ABI3BP: variants seen among roughly 807,000 people sequenced by gnomAD.
ABI3BP encodes the protein ABI family member 3 binding protein.
A neutral mutation model predicts 268.6 loss-of-function variants in ABI3BP; 216 were observed. That is an observed-to-expected ratio of 0.80 (90% confidence interval 0.72 to 0.90). The LOEUF is 0.90. ABI3BP is among the 40% of genes least tolerant of loss of function. The pLI is 0.00. For synonymous variants in ABI3BP, 730 were observed against 730.0 expected (o/e 1.00, Z 0.00); for missense variants, 2,090 against 2,182.4 (o/e 0.96, Z 0.84).
At chr3:100,775,131 A>C in intron 60 of ABI3BP, 76 bp downstream of exon 60, 2 of 1,537,978 alleles carry the variant, frequency 1.3e-6, no homozygotes, top group Non-Finnish European at 1.8e-6. Context: ...ACTGAGACTC[A>C]CCCATCCCCA....
intron 4 of ABI3BP, among the ~76,000 whole-genome samples, chr3:100,894,960 A>AAAAAAAAAC (rs2046845252): frequency 6.9e-6 from 1 of 145,488 alleles, no homozygotes; most frequent in African/African-American, 2.5e-5. Context: ...AAAAAAAAAA[A>AAAAAAAAAC]AAAAAAACAG....
intron 13 of ABI3BP, 106 bp from the exon 14 acceptor site, chr3:100,862,491 C>T: frequency 1.4e-6 from 1 of 698,506 alleles, no homozygotes; most frequent in Non-Finnish European, 2.4e-6. Flanking sequence ...CAGAAGCCTG[C>T]AGTATACCAA....
At chr3:100,965,467 A>G (rs1446443610) in intron 1 of ABI3BP, among the ~76,000 whole-genome samples, 4 of 151,088 alleles carry the variant, frequency 2.6e-5, no homozygotes, top group Non-Finnish European at 5.9e-5. Context: ...TGTTACAGCA[A>G]TGATGTGAAA....
At position 100,840,755 on chromosome 3, in the gene ABI3BP, G is replaced by A. The variant is rs1472317316; in HGVS notation, c.1804+65C>T. On this transcript the variant is annotated intron_variant, in intron 22 of 67. Transcript: ENST00000471714. ...TGTATTAATTCATTAATGTGAGTCT[G>A]TCAACACAGATACCAGCAGACAGGA... The A allele has an allele frequency of 2.2e-6, 3 of 1,369,776 alleles. No homozygotes were observed. The African/African-American group carries it at 4.3e-5, about 20-fold the overall frequency. 84.9% of individuals were successfully genotyped at this position (1,369,776 alleles called of 1,614,324 possible).
intron 4 of ABI3BP, among the ~76,000 whole-genome samples, chr3:100,892,399 A>AAGTT (rs1391993344): frequency 6.6e-6 from 1 of 151,990 alleles, no homozygotes; most frequent in Non-Finnish European, 1.5e-5. Context: ...AAAGCGAAAA[A>AAGTT]AGTTAAAACT....
At chr3:100,807,975 T>C (rs116616378) in intron 50 of ABI3BP, among the ~76,000 whole-genome samples, 186 bp downstream of exon 50, 2 of 152,088 alleles carry the variant, frequency 1.3e-5, no homozygotes, top group African/African-American at 4.8e-5. Flanking sequence ...TGGAATAAGC[T>C]CTTCCAATGA....
At chr3:100,800,213 C>CTT (rs34125273) in intron 51 of ABI3BP, among the ~76,000 whole-genome samples, 2 of 144,010 alleles carry the variant, frequency 1.4e-5, no homozygotes, top group South Asian at 2.2e-4. Flanking sequence ...GGCTATTAAT[C>CTT]TTTTTTTTTT....
intron 1 of ABI3BP, among the ~76,000 whole-genome samples, chr3:100,969,679 A>G (rs565571050): frequency 1.1e-4 from 17 of 152,234 alleles, no homozygotes; most frequent in Middle Eastern, 3.4e-3. Context: ...CGTCATCAAG[A>G]AAAAAAATCA....
At chr3:100,804,524 G>C (rs2097644585) in intron 51 of ABI3BP, among the ~76,000 whole-genome samples, 1 of 152,092 alleles carries the variant, frequency 6.6e-6, no homozygotes, top group Non-Finnish European at 1.5e-5. Flanking sequence ...AGCATTTTTT[G>C]TAAGTCAGGG....
intron 65 of ABI3BP, 85 bp from the exon 66 acceptor site, chr3:100,753,033 G>T: frequency 7.6e-7 from 1 of 1,313,260 alleles, no homozygotes. Flanking sequence ...TTGTCAACTT[G>T]CTGATACCTT....
At chr3:100,978,476 A>G (rs763606690) in intron 1 of ABI3BP, among the ~76,000 whole-genome samples, 20 of 152,228 alleles carry the variant, frequency 1.3e-4, no homozygotes, top group Admixed American at 3.3e-4. Context: ...GACTCCCACT[A>G]ATAGCTCATA....
chr3:100,784,282 T>C (rs1476030804), intron 57 of ABI3BP, among the ~76,000 whole-genome samples: 1 of 152,102 alleles, frequency 6.6e-6, no homozygotes, highest in Non-Finnish European at 1.5e-5. Context: ...TCTAAGACTG[T>C]AAAGAACATG....
At chr3:100,839,661 C>T in intron 23 of ABI3BP, 45 bp from the exon 24 acceptor site, 1 of 1,527,886 alleles carries the variant, frequency 6.5e-7, no homozygotes, top group Non-Finnish European at 8.8e-7. Flanking sequence ...CAAGAAGTGG[C>T]ATCGTGAGGA....
At chr3:100,754,403 T>C (rs1239723293) in intron 64 of ABI3BP, among the ~76,000 whole-genome samples, 2 of 152,204 alleles carry the variant, frequency 1.3e-5, no homozygotes, top group Non-Finnish European at 2.9e-5. Context: ...TCATTATGCT[T>C]TTTAAATTAA....
chr3:100,827,530 C>T (rs974525840), intron 34 of ABI3BP, among the ~76,000 whole-genome samples: 1 of 151,978 alleles, frequency 6.6e-6, no homozygotes, highest in African/African-American at 2.4e-5. Flanking sequence ...AAAAGATAAC[C>T]TTTAGTTATT....
chr3:100,989,516 C>T (rs1335271213), intron 1 of ABI3BP, among the ~76,000 whole-genome samples: 1 of 152,128 alleles, frequency 6.6e-6, no homozygotes, highest in Non-Finnish European at 1.5e-5. Context: ...GGTAAGAACC[C>T]AAAGCAAAGA....
intron 1 of ABI3BP, among the ~76,000 whole-genome samples, chr3:100,939,066 T>A (rs1008063392): frequency 6.6e-6 from 1 of 152,102 alleles, no homozygotes; most frequent in Non-Finnish European, 1.5e-5. Flanking sequence ...CAATTCCATA[T>A]ATCTCATTTT....
chr3:100,818,776 G>T (rs1409686393), intron 40 of ABI3BP, among the ~76,000 whole-genome samples, 195 bp from the exon 41 acceptor site: 1 of 152,086 alleles, frequency 6.6e-6, no homozygotes, highest in Non-Finnish European at 1.5e-5. Context: ...TACACAATTT[G>T]GCACACATCT....
intron 1 of ABI3BP, among the ~76,000 whole-genome samples, chr3:100,973,965 C>A (rs1317390176): frequency 1.3e-5 from 2 of 152,042 alleles, no homozygotes; most frequent in Non-Finnish European, 1.5e-5. Context: ...AGACAAGATG[C>A]GGTTTCTAAG....
Sources: gnomAD v4.1 joint callset for allele counts (sites outside exome capture counted in the v4.1 genomes callset) on GRCh38, gnomAD v4.1.1 for gene constraint, MANE v1.5 for transcripts, NCBI Gene and HGNC (gene_info 2026-07-23, HGNC 2026-07-21) for gene names.